ANKS1B: variants seen among roughly 807,000 people sequenced by gnomAD.
ANKS1B encodes ankyrin repeat and sterile alpha motif domain containing 1B, also known as ankyrin repeat and sterile alpha motif domain-containing protein 1B.
In ANKS1B, 36 loss-of-function variants were observed where a neutral mutation model predicts 148.3. The ratio of observed to expected loss-of-function variants is 0.24; its 90% confidence interval spans 0.19 to 0.32. The LOEUF is 0.32. Among genes scored for constraint, ANKS1B ranks in the 10% least tolerant of loss-of-function variants. ANKS1B has a pLI of 1.00. For missense variants in ANKS1B, 1,157 were observed against 1,542.6 expected, an observed-to-expected ratio of 0.75 and a Z score of 4.19; for synonymous variants, 542 against 560.8, an observed-to-expected ratio of 0.97 and a Z score of 0.47.
chr12:99,858,981 T>C (rs1603368959), intron 1 of ANKS1B, among the ~76,000 whole-genome samples: 1 of 152,214 alleles, frequency 6.6e-6, no homozygotes, highest in African/African-American at 2.4e-5. Flanking sequence ...AAGAACTTAT[T>C]CATGCACATA....
At chr12:99,182,457 A>T (rs933090249) in intron 14 of ANKS1B, among the ~76,000 whole-genome samples, 2 of 152,056 alleles carry the variant, frequency 1.3e-5, no homozygotes, top group Non-Finnish European at 2.9e-5. Context: ...TAACATAAGG[A>T]CCTCCTGTTC....
intron 17 of ANKS1B, among the ~76,000 whole-genome samples, chr12:98,845,465 G>A (rs1428524664): frequency 2.0e-5 from 3 of 152,174 alleles, no homozygotes; most frequent in Admixed American, 6.5e-5. Flanking sequence ...CTCATTAAAT[G>A]TAAGGCTGGG....
chr12:98,773,197 A>T lies in ANKS1B; in HGVS notation c.3442-18T>A. On this transcript the variant is annotated intron_variant, in intron 24 of 26. Transcript: ENST00000683438. ...ATTATGTTCTGGAAGAAATGACATA[A>T]ATGATCATTGTTTTCCTCTGCGAAC... 6.3e-7 allele frequency: 1 copy of T among 1,594,980 alleles called. No individual in the cohort carries two copies. Among genetic ancestry groups the T allele is most frequent in the Non-Finnish European group, 8.5e-7 (1 of 1,171,190 alleles).
chr12:99,932,407 C>T (rs999007653), intron 1 of ANKS1B, among the ~76,000 whole-genome samples: 3 of 152,124 alleles, frequency 2.0e-5, no homozygotes, highest in Non-Finnish European at 4.4e-5. Flanking sequence ...TACAAATGTT[C>T]CCTTTTCTCC....
At chr12:98,894,829 C>G (rs1024977479) in intron 17 of ANKS1B, 3 of 982,470 alleles carry the variant, frequency 3.1e-6, no homozygotes, top group African/African-American at 3.5e-5. Flanking sequence ...GGAGCTTGGC[C>G]GCGCCGCGCT....
chr12:99,151,303 G>A (rs960905127), intron 15 of ANKS1B, among the ~76,000 whole-genome samples: 3 of 151,986 alleles, frequency 2.0e-5, no homozygotes, highest in African/African-American at 4.8e-5. Context: ...CAAGGCAGGC[G>A]GATCATTTAA....
At chr12:99,874,022 CATATATAT>C (rs150860727) in intron 1 of ANKS1B, among the ~76,000 whole-genome samples, 2 of 137,858 alleles carry the variant, frequency 1.5e-5, no homozygotes, top group African/African-American at 6.4e-5. Flanking sequence ...CTCTCTCTCA[CATATATAT>C]ATATATATAT....
At chr12:99,029,673 A>C (rs1417202673) in intron 17 of ANKS1B, among the ~76,000 whole-genome samples, 1 of 152,260 alleles carries the variant, frequency 6.6e-6, no homozygotes, top group Non-Finnish European at 1.5e-5. Flanking sequence ...GTTTGGCAGG[A>C]AACTCAGCAG....
intron 8 of ANKS1B, among the ~76,000 whole-genome samples, chr12:99,749,324 A>C (rs2060887671): frequency 6.6e-6 from 1 of 152,108 alleles, no homozygotes; most frequent in Non-Finnish European, 1.5e-5. Flanking sequence ...AGCAAAGAAC[A>C]CAATGAACCT....
At chr12:99,120,136 CA>C (rs765596933) in intron 15 of ANKS1B, among the ~76,000 whole-genome samples, 8 of 152,326 alleles carry the variant, frequency 5.3e-5, no homozygotes, top group Non-Finnish European at 1.2e-4. Context: ...CCCACATTCG[CA>C]CTCACTCAGA....
chr12:98,948,016 A>T (rs2099848033), intron 17 of ANKS1B, among the ~76,000 whole-genome samples: 1 of 152,092 alleles, frequency 6.6e-6, no homozygotes, highest in South Asian at 2.1e-4. Flanking sequence ...TATGCTGAGG[A>T]TTATTCATGT....
At chr12:99,562,592 C>T (rs1397161137) in intron 9 of ANKS1B, among the ~76,000 whole-genome samples, 1 of 152,168 alleles carries the variant, frequency 6.6e-6, no homozygotes, top group Non-Finnish European at 1.5e-5. Context: ...CTGGAGAGAC[C>T]TCAGGAAACT....
At chr12:99,763,026 C>T (rs1041965330) in intron 8 of ANKS1B, among the ~76,000 whole-genome samples, 11 of 151,910 alleles carry the variant, frequency 7.2e-5, no homozygotes, top group Middle Eastern at 3.4e-3. Flanking sequence ...GAAAAGGGAT[C>T]GCTTAAACAC....
rs146561525 is a variant in ANKS1B, at chr12:99,962,425, A to G, written c.134+21679T>C. On this transcript the variant is annotated intron_variant, in intron 1 of 26. Transcript: ENST00000683438. Reference sequence around the variant, plus strand: ...GTATAGTATTCCATGGTGCATATGTACCACATTTTCTTTATCCAGTCTATC... The same window carrying G: ...GTATAGTATTCCATGGTGCATATGTGCCACATTTTCTTTATCCAGTCTATC... Among the ~76,000 whole-genome samples, 1,021 of 152,204 alleles carry G rather than the reference A, an allele frequency of 6.7e-3. 39 individuals carry two copies. The highest frequency in any genetic ancestry group is 0.051 in the Admixed American group (780 of 15,278).
Position 98,895,563 on chromosome 12 carries a change from A to G in ANKS1B, c.2779-63427T>C, listed in dbSNP as rs533753206. On this transcript the variant is annotated intron_variant, in intron 17 of 26. Coordinates refer to ENST00000683438, the MANE Select transcript of ANKS1B (RefSeq NM_001352186.2). ...AGCGACTTCGTGTTTACCTCGCAGG[A>G]GACGCCTCGGCAGTCCTCAACTTGT... is the stretch of plus-strand genomic sequence containing the variant. Among the ~76,000 whole-genome samples, 23 of 152,338 alleles carry G rather than the reference A, an allele frequency of 1.5e-4. No homozygotes were observed. In the East Asian group the frequency reaches 4.3e-3, roughly 28 times the overall value.
intron 1 of ANKS1B, among the ~76,000 whole-genome samples, chr12:99,981,732 C>T (rs2095705013): frequency 6.6e-6 from 1 of 152,090 alleles, no homozygotes; most frequent in Non-Finnish European, 1.5e-5. Flanking sequence ...AATGGACCTC[C>T]TAAGGCTGAC....
Position 98,780,672 on chromosome 12 carries a change from T to C in ANKS1B, c.3441+445A>G, listed in dbSNP as rs183345820. Among the ~76,000 whole-genome samples, 27 of 152,320 alleles carry C rather than the reference T, an allele frequency of 1.8e-4. No individual in the cohort carries two copies. In the East Asian group the frequency reaches 5.2e-3, roughly 29 times the overall value. On this transcript the variant is annotated intron_variant, in intron 24 of 26. Coordinates refer to ENST00000683438, the MANE Select transcript of ANKS1B (RefSeq NM_001352186.2). Reference sequence around the variant, plus strand: ...ATTATCAACAGAAAAGACACATATATATCTCTAGATAAACAGAAAGACAAA... The same window carrying C: ...ATTATCAACAGAAAAGACACATATACATCTCTAGATAAACAGAAAGACAAA...
At chr12:99,517,955 T>C (rs1179463581) in intron 9 of ANKS1B, among the ~76,000 whole-genome samples, 1 of 152,214 alleles carries the variant, frequency 6.6e-6, no homozygotes, top group Non-Finnish European at 1.5e-5. Flanking sequence ...TCAAATGCTT[T>C]TTCAGCATCA....
At chr12:99,395,246 T>A (rs1430843405) in intron 12 of ANKS1B, among the ~76,000 whole-genome samples, 1 of 152,280 alleles carries the variant, frequency 6.6e-6, no homozygotes, top group Non-Finnish European at 1.5e-5. Context: ...TTAATCCTCA[T>A]AAAATAGAAG....
Sources: gnomAD v4.1 joint callset for allele counts (sites outside exome capture counted in the v4.1 genomes callset) on GRCh38, gnomAD v4.1.1 for gene constraint, MANE v1.5 for transcripts, NCBI Gene and HGNC (gene_info 2026-07-23, HGNC 2026-07-21) for gene names.